Variants in STAU2 observed in about 807,000 individuals in gnomAD.
STAU2 encodes staufen double-stranded RNA binding protein 2.
A neutral mutation model predicts 65.9 loss-of-function variants in STAU2; 20 were observed. The ratio of observed to expected loss-of-function variants is 0.30; its 90% CI spans 0.21 to 0.44. STAU2 has a LOEUF of 0.44. Among genes scored for constraint, STAU2 ranks in the 20% least tolerant of loss-of-function variants. STAU2 has a pLI of 1.00. For synonymous variants in STAU2, 232 were observed against 233.9 expected, an observed-to-expected ratio of 0.99 and a Z score of 0.07; for missense variants, 558 against 683.9, an observed-to-expected ratio of 0.82 and a Z score of 2.05.
chr8:73,512,408 A>G (rs1389329512), intron 13 of STAU2, among the ~76,000 whole-genome samples: 1 of 152,112 alleles, frequency 6.6e-6, no homozygotes, highest in African/African-American at 2.4e-5. Flanking sequence ...TTTGTTTTAG[A>G]TCTTTAATTT....
At position 73,424,715 on chromosome 8, in the gene STAU2, T is replaced by G. The variant is rs562871499; in HGVS notation, c.1531-2013A>C. On this transcript the variant is annotated intron_variant, in intron 13 of 14. Transcript: ENST00000524300. ...GTAATATTCATAATACTTTTTTCTT[T>G]CTTCTCTCTTGCTTTTCTATTGTTG... 3.3e-5 allele frequency among the ~76,000 whole-genome samples: 5 copies of G among 151,886 alleles called. No homozygotes were observed. The South Asian group carries it at 1.0e-3, about 32-fold the overall frequency.
intron 3 of STAU2, among the ~76,000 whole-genome samples, chr8:73,713,225 T>C (rs1821017755): frequency 6.6e-6 from 1 of 152,236 alleles, no homozygotes; most frequent in Non-Finnish European, 1.5e-5. Flanking sequence ...ACTCTATTTT[T>C]AGATTCACTC....
chr8:73,473,596 G>T (rs952169431), intron 13 of STAU2, among the ~76,000 whole-genome samples: 5 of 152,132 alleles, frequency 3.3e-5, no homozygotes, highest in Admixed American at 2.6e-4. Context: ...CTTCTTCCCC[G>T]GGAAGCCCTC....
intron 13 of STAU2, among the ~76,000 whole-genome samples, chr8:73,508,611 G>T (rs570372340): frequency 1.3e-5 from 2 of 152,164 alleles, no homozygotes; most frequent in Admixed American, 1.3e-4. Flanking sequence ...TTGGAAAAAT[G>T]GTGCTGATAG....
chr8:73,616,797 CA>C (rs112232370), intron 7 of STAU2, among the ~76,000 whole-genome samples: 3 of 145,316 alleles, frequency 2.1e-5, no homozygotes, highest in Admixed American at 6.9e-5. Flanking sequence ...GGCTCCATCT[CA>C]AAAAAAAAAG....
chr8:73,497,785 C>T (rs1194977778), intron 13 of STAU2, among the ~76,000 whole-genome samples: 1 of 125,312 alleles, frequency 8.0e-6, no homozygotes, highest in Non-Finnish European at 1.9e-5. Context: ...CCCTTTTCTT[C>T]CCCCTCAAAT....
intron 6 of STAU2, among the ~76,000 whole-genome samples, chr8:73,646,935 C>CCACACACACACACA (rs1365707962): frequency 1.3e-4 from 12 of 89,324 alleles, no homozygotes; most frequent in African/African-American, 5.1e-4. Flanking sequence ...AGACACACAG[C>CCACACACACACACA]CAGACACACA....
intron 3 of STAU2, among the ~76,000 whole-genome samples, chr8:73,728,543 C>T (rs570651169): frequency 6.2e-4 from 94 of 150,902 alleles, no homozygotes; most frequent in African/African-American, 1.9e-3. Flanking sequence ...GTATTGCCAT[C>T]CTAACGGCAA....
intron 13 of STAU2, among the ~76,000 whole-genome samples, chr8:73,517,672 T>C (rs949698051): frequency 9.9e-5 from 15 of 152,196 alleles, no homozygotes; most frequent in African/African-American, 3.4e-4. Flanking sequence ...AGTTAGGTTT[T>C]TTTAATTCTA....
chr8:73,705,316 C>T (rs977408914), intron 4 of STAU2, among the ~76,000 whole-genome samples: 1 of 152,044 alleles, frequency 6.6e-6, no homozygotes, highest in Non-Finnish European at 1.5e-5. Flanking sequence ...GCAACTCTAG[C>T]GAAGATTTTT....
At chr8:73,440,015 G>T (rs933125089) in intron 13 of STAU2, 2 of 152,296 alleles carry the variant, frequency 1.3e-5, no homozygotes, top group African/African-American at 4.8e-5. Context: ...GAAGCTCAGG[G>T]TGCAGGACCT....
chr8:73,702,954 G>T (rs1189743302), intron 4 of STAU2, among the ~76,000 whole-genome samples: 1 of 152,052 alleles, frequency 6.6e-6, no homozygotes, highest in African/African-American at 2.4e-5. Flanking sequence ...AATGTAAAAT[G>T]GTACAACTAT....
intron 6 of STAU2, among the ~76,000 whole-genome samples, chr8:73,645,223 A>T (rs1408726105): frequency 9.2e-5 from 14 of 152,232 alleles, no homozygotes; most frequent in South Asian, 4.1e-4. Context: ...ATTTAGCAAC[A>T]TACATAAAGA....
At chr8:73,532,955 GC>G (rs1805924274) in intron 13 of STAU2, among the ~76,000 whole-genome samples, 1 of 152,082 alleles carries the variant, frequency 6.6e-6, no homozygotes, top group Non-Finnish European at 1.5e-5. Context: ...GAACCAATAT[GC>G]ACCTTCCATG....
At chr8:73,445,122 A>T (rs1398199078) in intron 13 of STAU2, among the ~76,000 whole-genome samples, 1 of 152,228 alleles carries the variant, frequency 6.6e-6, no homozygotes, top group African/African-American at 2.4e-5. Context: ...AAGAAGTCAG[A>T]ATTTACAAGT....
chr8:73,509,629 A>C (rs890983453), intron 13 of STAU2, among the ~76,000 whole-genome samples: 34 of 152,138 alleles, frequency 2.2e-4, no homozygotes, highest in Non-Finnish European at 1.8e-4. Context: ...ATTGGATATT[A>C]AAAAGGGTGA....
chr8:73,567,878 G>A (rs1808737446), intron 12 of STAU2, among the ~76,000 whole-genome samples: 1 of 151,868 alleles, frequency 6.6e-6, no homozygotes, highest in Admixed American at 6.6e-5. Flanking sequence ...TGGGCAGGAT[G>A]GTGGTGTTTA....
At chr8:73,474,584 GT>G (rs1318019542) in intron 13 of STAU2, among the ~76,000 whole-genome samples, 1 of 151,910 alleles carries the variant, frequency 6.6e-6, no homozygotes, top group Non-Finnish European at 1.5e-5. Context: ...TCATGGCTTT[GT>G]TCCATCACTC....
chr8:73,734,677 C>T (rs1736034738), intron 3 of STAU2, among the ~76,000 whole-genome samples: 1 of 151,952 alleles, frequency 6.6e-6, no homozygotes, highest in South Asian at 2.1e-4. Flanking sequence ...GCTTGTGATC[C>T]CAGCTACTCA....
Sources: gnomAD v4.1 joint callset for allele counts (sites outside exome capture counted in the v4.1 genomes callset) on GRCh38, gnomAD v4.1.1 for gene constraint, MANE v1.5 for transcripts, NCBI Gene and HGNC (gene_info 2026-07-23, HGNC 2026-07-21) for gene names.